The following DAAM1 variants were observed in gnomAD, a reference collection of about 807,000 sequenced individuals.
DAAM1 encodes dishevelled associated activator of morphogenesis 1.
In DAAM1, 52 loss-of-function variants were observed where a neutral mutation model predicts 130.0. The ratio of observed to expected loss-of-function variants is 0.40; its 90% CI spans 0.32 to 0.50. DAAM1 has a LOEUF of 0.50. Ranked by LOEUF, DAAM1 falls within the 20% of genes least tolerant of loss-of-function variation. The pLI is 0.61. For synonymous variants in DAAM1, 452 were observed against 444.5 expected (o/e 1.02, Z -0.21); for missense variants, 1,134 against 1,303.8 (o/e 0.87, Z 2.01).
In DAAM1 at chr14:59,367,575, A is replaced by G; in HGVS notation, c.2973A>G (p.Glu991=). ...ENMRKKKEEE[E]RRARMEAQLK... ...TGAGAAAGAAAAAGGAGGAAGAAGA[A>G]CGTCGAGCTCGCATGGAAGCTCAGG... The change falls in exon 24 of 25, where the codon GAA becomes GAG. Residue 991 remains glutamate, a synonymous_variant. Transcript: ENST00000360909. The G allele has an allele frequency of 1.2e-6, 2 of 1,613,848 alleles. No homozygotes were observed. Among genetic ancestry groups the G allele is most frequent in the Non-Finnish European group, 1.7e-6 (2 of 1,179,872 alleles).
At chr14:59,217,126 G>T (rs1159378183) in intron 1 of DAAM1, among the ~76,000 whole-genome samples, 1 of 152,156 alleles carries the variant, frequency 6.6e-6, no homozygotes, top group African/African-American at 2.4e-5. Context: ...TGGAGGCAGG[G>T]GTGAGGTAGG....
intron 12 of DAAM1, among the ~76,000 whole-genome samples, chr14:59,328,972 A>C (rs1280658897): frequency 6.6e-6 from 1 of 152,254 alleles, no homozygotes; most frequent in Non-Finnish European, 1.5e-5. Flanking sequence ...AAGGAGACAG[A>C]AGTTCTGTGG....
At chr14:59,212,465 A>G (rs1888455334) in intron 1 of DAAM1, among the ~76,000 whole-genome samples, 1 of 152,236 alleles carries the variant, frequency 6.6e-6, no homozygotes, top group Non-Finnish European at 1.5e-5. Context: ...GTCAAGTTAG[A>G]ACACAGGTCT....
chr14:59,327,003 G>C lies in DAAM1; in HGVS notation c.1372+12G>C. 6.2e-7 allele frequency: 1 copy of C among 1,613,848 alleles called. No individual in the cohort carries two copies. Among genetic ancestry groups the C allele is most frequent in the Non-Finnish European group, 8.5e-7 (1 of 1,179,856 alleles). The stretch of plus-strand genomic sequence containing the variant: ...AAAAATGAGAAAAGGTAAATAATGA[G>C]GCCCTGATAAGAGGCTGTGTTATTG... On this transcript the variant is annotated intron_variant, in intron 12 of 24. Transcript: ENST00000360909.
At chr14:59,334,644 G>C (rs1238536870) in intron 15 of DAAM1, among the ~76,000 whole-genome samples, 5 of 152,180 alleles carry the variant, frequency 3.3e-5, no homozygotes, top group African/African-American at 1.2e-4. Context: ...GTATAATTTA[G>C]ATGAATACTG....
intron 1 of DAAM1, among the ~76,000 whole-genome samples, chr14:59,246,316 C>G (rs949350076): frequency 2.0e-5 from 3 of 152,170 alleles, no homozygotes; most frequent in Non-Finnish European, 4.4e-5. Flanking sequence ...CGGTATTTGT[C>G]TTTTTGTGTC....
In DAAM1 at chr14:59,271,970, GA is replaced by G. The variant is rs909249547; in HGVS notation, c.183+8319del. ...ACATTCCATTTTAAACTGATAGAAGGAAAAAAAAACTGGTTGTAAAGAGTCA... is the reference window on the plus strand; with the variant it reads ...ACATTCCATTTTAAACTGATAGAAGGAAAAAAAACTGGTTGTAAAGAGTCA... On this transcript the variant is annotated intron_variant, in intron 2 of 24. Transcript: ENST00000360909. Among the ~76,000 whole-genome samples, 38 of 150,322 alleles carry G rather than the reference GA, an allele frequency of 2.5e-4. 1 individual carries two copies. The highest frequency in any genetic ancestry group is 7.8e-4 in the African/African-American group (32 of 41,016).
chr14:59,233,475 T>C (rs1352781387), intron 1 of DAAM1, among the ~76,000 whole-genome samples: 2 of 152,230 alleles, frequency 1.3e-5, no homozygotes, highest in Non-Finnish European at 2.9e-5. Flanking sequence ...TGCCCACTTT[T>C]TGATGGGGTC....
chr14:59,264,636 C>T (rs1161658086), intron 2 of DAAM1: 1 of 150,182 alleles, frequency 6.7e-6, no homozygotes, highest in Non-Finnish European at 1.5e-5. Flanking sequence ...GGAATTAGTT[C>T]TTCTTTTTTT....
At chr14:59,354,827 C>G (rs1886416018) in intron 19 of DAAM1, among the ~76,000 whole-genome samples, 1 of 152,162 alleles carries the variant, frequency 6.6e-6, no homozygotes, top group South Asian at 2.1e-4. Context: ...TCACACCAGA[C>G]AAGTAAGTGT....
chr14:59,231,432 T>C (rs895773025), intron 1 of DAAM1, among the ~76,000 whole-genome samples: 2 of 152,188 alleles, frequency 1.3e-5, no homozygotes, highest in East Asian at 1.9e-4. Context: ...GTGGGGACCA[T>C]GGCAAACTCA....
At chr14:59,347,764 T>G in intron 17 of DAAM1, 141 bp downstream of exon 17, 2 of 736,396 alleles carry the variant, frequency 2.7e-6, no homozygotes, top group Non-Finnish European at 4.5e-6. Context: ...CCCATGTGAC[T>G]CTGTTAGGAA....
chr14:59,316,719 G>T (rs1201588270), intron 4 of DAAM1, among the ~76,000 whole-genome samples: 2 of 152,172 alleles, frequency 1.3e-5, no homozygotes, highest in African/African-American at 4.8e-5. Flanking sequence ...ATAATTTGGA[G>T]CCATTTATAT....
chr14:59,208,518 C>A (rs948035902), intron 1 of DAAM1, among the ~76,000 whole-genome samples: 2 of 152,176 alleles, frequency 1.3e-5, no homozygotes, highest in African/African-American at 4.8e-5. Flanking sequence ...AACTGACCAC[C>A]ATCTCTAGGC....
At chr14:59,303,496 C>T (rs1354147296) in intron 3 of DAAM1, among the ~76,000 whole-genome samples, 2 of 152,166 alleles carry the variant, frequency 1.3e-5, no homozygotes, top group African/African-American at 4.8e-5. Context: ...GTACTAATAA[C>T]CTCAAGCAAA....
intron 15 of DAAM1, among the ~76,000 whole-genome samples, chr14:59,337,192 C>T (rs1885660856): frequency 6.6e-6 from 1 of 152,166 alleles, no homozygotes; most frequent in South Asian, 2.1e-4. Context: ...GAGTTCACTT[C>T]GCCATAGTCT....
chr14:59,238,947 C>T (rs1375204194), intron 1 of DAAM1, among the ~76,000 whole-genome samples: 1 of 152,164 alleles, frequency 6.6e-6, no homozygotes, highest in Non-Finnish European at 1.5e-5. Context: ...GGCTGGCTGA[C>T]AGGCAATGCA....
chr14:59,361,339 C>G (rs1886697759), intron 22 of DAAM1, among the ~76,000 whole-genome samples: 1 of 152,160 alleles, frequency 6.6e-6, no homozygotes, highest in Admixed American at 6.5e-5. Flanking sequence ...ACTCAGAATC[C>G]TTGTCCTCCA....
intron 1 of DAAM1, among the ~76,000 whole-genome samples, chr14:59,236,582 G>A (rs1889308455): frequency 6.6e-6 from 1 of 151,910 alleles, no homozygotes; most frequent in Non-Finnish European, 1.5e-5. Context: ...TCATGACTTT[G>A]CATTTTCTAA....
Sources: gnomAD v4.1 joint callset for allele counts (sites outside exome capture counted in the v4.1 genomes callset) on GRCh38, gnomAD v4.1.1 for gene constraint, MANE v1.5 for transcripts, NCBI Gene and HGNC (gene_info 2026-07-23, HGNC 2026-07-21) for gene names.